CTNNB1: variants seen among roughly 807,000 people sequenced by gnomAD.
CTNNB1 encodes the protein catenin beta-1.
Under a neutral mutation model 82.5 loss-of-function variants are expected in CTNNB1, and 6 were observed. That is an observed-to-expected ratio of 0.07 (90% confidence interval 0.04 to 0.14). CTNNB1 has a LOEUF of 0.14. Ranked by LOEUF, CTNNB1 falls within the 10% of genes least tolerant of loss-of-function variation. The pLI is 1.00. For missense variants in CTNNB1, 529 were observed against 980.4 expected, an observed-to-expected ratio of 0.54 and a Z score of 6.15; for synonymous variants, 312 against 329.7, an observed-to-expected ratio of 0.95 and a Z score of 0.58.
At chr3:41,204,082 C>T (rs1241221159) in intron 1 of CTNNB1, among the ~76,000 whole-genome samples, 1 of 150,574 alleles carries the variant, frequency 6.6e-6, no homozygotes, top group Non-Finnish European at 1.5e-5. Flanking sequence ...AAATGTATTG[C>T]TATAGTTAGG....
At chr3:41,211,950 A>G (rs999332180) in intron 1 of CTNNB1, among the ~76,000 whole-genome samples, 1 of 152,230 alleles carries the variant, frequency 6.6e-6, no homozygotes, top group African/African-American at 2.4e-5. Flanking sequence ...TTTTTTGTTC[A>G]GAAACTTACA....
intron 1 of CTNNB1, among the ~76,000 whole-genome samples, chr3:41,201,129 AC>A (rs1215397765): frequency 3.9e-5 from 6 of 152,162 alleles, no homozygotes; most frequent in African/African-American, 1.4e-4. Flanking sequence ...AGTATTTGTC[AC>A]TTGGTGAACG....
chr3:41,234,004 AG>A (rs772307172), intron 9 of CTNNB1, 134 bp from the exon 10 acceptor site: 7 of 1,421,206 alleles, frequency 4.9e-6, no homozygotes, highest in African/African-American at 1.4e-5. Context: ...TGGCTGCGAT[AG>A]GGGTAAGATT....
chr3:41,238,318 C>T, intron 14 of CTNNB1: 1 of 544,094 alleles, frequency 1.8e-6, no homozygotes, highest in Non-Finnish European at 3.3e-6. Flanking sequence ...TGCTAGGCCT[C>T]TGCAGTGCAG....
At chr3:41,204,912 G>A (rs550581899) in intron 1 of CTNNB1, among the ~76,000 whole-genome samples, 37 of 152,320 alleles carry the variant, frequency 2.4e-4, no homozygotes, top group African/African-American at 8.9e-4. Flanking sequence ...CTTGGGAAAT[G>A]CCTTGTGTCA....
intron 7 of CTNNB1, among the ~76,000 whole-genome samples, chr3:41,230,103 G>A (rs1035620429): frequency 6.6e-6 from 1 of 152,162 alleles, no homozygotes; most frequent in African/African-American, 2.4e-5. Context: ...CTTATTGAGA[G>A]TAATTTTACT....
At position 41,236,299 on chromosome 3, in the gene CTNNB1, C is replaced by A; in HGVS notation, c.1804-50C>A. ...GTTTGCACCACAGTGGGGGGCTTGCCATGTTTTAGCTTTAGATTTAATTAG... is the reference window on the plus strand; with the variant it reads ...GTTTGCACCACAGTGGGGGGCTTGCAATGTTTTAGCTTTAGATTTAATTAG... On this transcript the variant is annotated intron_variant, in intron 11 of 14. Transcript: ENST00000349496. 2.5e-6 allele frequency: 4 copies of A among 1,610,834 alleles called. No homozygotes were observed. The South Asian group carries it at 4.4e-5, about 18-fold the overall frequency.
intron 7 of CTNNB1, among the ~76,000 whole-genome samples, chr3:41,229,676 CT>C (rs1379412209): frequency 6.6e-6 from 1 of 152,074 alleles, no homozygotes; most frequent in Non-Finnish European, 1.5e-5. Context: ...GATGCATTTT[CT>C]TTCTCTTGCC....
chr3:41,213,653 T>C (rs1044716987), intron 1 of CTNNB1, among the ~76,000 whole-genome samples: 1 of 152,176 alleles, frequency 6.6e-6, no homozygotes, highest in Admixed American at 6.5e-5. Flanking sequence ...AGATTTCTTA[T>C]GGAACAGAAA....
chr3:41,211,797 A>G (rs1489411970), intron 1 of CTNNB1, among the ~76,000 whole-genome samples: 1 of 152,128 alleles, frequency 6.6e-6, no homozygotes, highest in Non-Finnish European at 1.5e-5. Flanking sequence ...GGTTGATTGT[A>G]TCTTTGCTAT....
At chr3:41,216,822 G>A (rs2077926768) in intron 1 of CTNNB1, among the ~76,000 whole-genome samples, 1 of 151,990 alleles carries the variant, frequency 6.6e-6, no homozygotes, top group East Asian at 1.9e-4. Context: ...TTGCATACTT[G>A]ATATATGTTA....
chr3:41,237,833 GAAA>G, intron 13 of CTNNB1, 180 bp from the exon 14 acceptor site: 1 of 585,332 alleles, frequency 1.7e-6, no homozygotes. Context: ...GGTGCAAAGA[GAAA>G]AAAAAATGTA....
Position 41,233,411 on chromosome 3 carries a change from T to C in CTNNB1, c.1152T>C (p.Thr384=), listed in dbSNP as rs777662837. 1.5e-5 allele frequency: 24 copies of C among 1,614,110 alleles called. No individual in the cohort carries two copies. The African/African-American group carries it at 3.1e-4, about 21-fold the overall frequency. ...SQRLVQNCLW[T]LRNLSDAATK... ...GTCTTGTTCAGAACTGTCTTTGGAC[T>C]CTCAGGAATCTTTCAGATGCTGCAA... is the stretch of plus-strand genomic sequence containing the variant. Residue 384 remains threonine (T), a synonymous_variant, in exon 8 of 15, where the codon ACT becomes ACC. Transcript: ENST00000349496.
chr3:41,233,663 A>G lies in CTNNB1; in HGVS notation c.1320A>G (p.Gln440=), dbSNP rs2078362860. Residue 440 remains glutamine (Q), a synonymous_variant, in exon 9 of 15, where the codon CAA becomes CAG. Transcript: ENST00000349496. ...ATAAGAACAAGATGATGGTCTGCCA[A>G]GTGGGTGGTATAGAGGCTCTTGTGC... The part of the protein sequence containing the change: ...NNYKNKMMVC[Q]VGGIEALVRT... The G allele has an allele frequency of 8.1e-6, 13 of 1,614,134 alleles. No homozygotes were observed. Among genetic ancestry groups the G allele is most frequent in the South Asian group, 1.1e-5 (1 of 91,072 alleles).
intron 1 of CTNNB1, among the ~76,000 whole-genome samples, chr3:41,217,255 C>T (rs1178470625): frequency 2.0e-5 from 3 of 152,146 alleles, no homozygotes; most frequent in Non-Finnish European, 4.4e-5. Context: ...TCCTCACAGG[C>T]CTTCCCTGAC....
chr3:41,238,855 G>C (rs2078503661), intron 14 of CTNNB1, among the ~76,000 whole-genome samples: 1 of 152,186 alleles, frequency 6.6e-6, no homozygotes, highest in East Asian at 1.9e-4. Flanking sequence ...GGTAAATGCA[G>C]AGTGTTCAGG....
chr3:41,237,180 C>G (rs2078455401), intron 13 of CTNNB1: 2 of 207,004 alleles, frequency 9.7e-6, no homozygotes, highest in South Asian at 1.6e-4. Context: ...ATATTTTATC[C>G]ATTCTATAGA....
intron 7 of CTNNB1, among the ~76,000 whole-genome samples, chr3:41,232,146 T>TA (rs2078323583): frequency 6.6e-6 from 1 of 152,058 alleles, no homozygotes; most frequent in East Asian, 1.9e-4. Context: ...CTTTTTTTTT[T>TA]ACCCTAGAAC....
Position 41,239,251 on chromosome 3 carries a change from G to C in CTNNB1, c.2255G>C (p.Gly752Ala), listed in dbSNP as rs373158451. The C allele has an allele frequency of 8.1e-6, 13 of 1,614,194 alleles. No homozygotes were observed. The highest frequency in any genetic ancestry group is 1.7e-4 in the Middle Eastern group (1 of 6,060). The change falls in exon 15 of 15, where the codon GGG (glycine) becomes GCG (alanine). Residue 752 changes from glycine to alanine, a missense_variant. By Grantham distance (60) the Gly-to-Ala change is moderately conservative. Transcript: ENST00000349496. ...CCTGGTGCTGACTATCCAGTTGATG[G>C]GCTGCCAGATCTGGGGCATGCCCAG... The part of the protein sequence containing the change: ...HHPGADYPVD[G>A]LPDLGHAQDL...
Sources: gnomAD v4.1 joint callset for allele counts (sites outside exome capture counted in the v4.1 genomes callset) on GRCh38, gnomAD v4.1.1 for gene constraint, MANE v1.5 for transcripts, NCBI Gene and HGNC (gene_info 2026-07-23, HGNC 2026-07-21) for gene names.